Variants in ABI1 observed in about 807,000 individuals in gnomAD.
The protein encoded by ABI1 is abl interactor 1.
A neutral mutation model predicts 54.6 loss-of-function variants in ABI1; 14 were observed. The observed-to-expected ratio is 0.26, with a 90% CI of 0.17 to 0.40. The LOEUF is 0.40. Ranked by LOEUF, ABI1 falls within the 10% of genes least tolerant of loss-of-function variation. The pLI is 1.00. For synonymous variants in ABI1, 194 were observed against 209.3 expected, an observed-to-expected ratio of 0.93 and a Z score of 0.63; for missense variants, 443 against 598.3, an observed-to-expected ratio of 0.74 and a Z score of 2.71.
At chr10:26,814,435 A>T (rs1564532209) in intron 2 of ABI1, among the ~76,000 whole-genome samples, 1 of 152,200 alleles carries the variant, frequency 6.6e-6, no homozygotes, top group Non-Finnish European at 1.5e-5. Context: ...GCCAATGGAA[A>T]AAAGAAATCA....
At chr10:26,798,953 G>A (rs531963782) in intron 2 of ABI1, among the ~76,000 whole-genome samples, 5 of 151,128 alleles carry the variant, frequency 3.3e-5, no homozygotes, top group Admixed American at 6.6e-5. Context: ...ACAAATCTCC[G>A]AAGGAAGTTA....
At chr10:26,808,028 G>C (rs2046984868) in intron 2 of ABI1, among the ~76,000 whole-genome samples, 1 of 152,178 alleles carries the variant, frequency 6.6e-6, no homozygotes. Context: ...GGAGGCAGAG[G>C]TTGCAGTGAG....
chr10:26,787,576 G>C (rs532732306), intron 2 of ABI1, among the ~76,000 whole-genome samples: 2 of 151,598 alleles, frequency 1.3e-5, no homozygotes, highest in African/African-American at 2.4e-5. Flanking sequence ...ATATGGCAGG[G>C]TGAGCAAAAA....
At chr10:26,815,244 T>C (rs773870627) in intron 2 of ABI1, among the ~76,000 whole-genome samples, 1 of 152,140 alleles carries the variant, frequency 6.6e-6, no homozygotes, top group Non-Finnish European at 1.5e-5. Flanking sequence ...GCCAATTAGA[T>C]TTCAGCTGCA....
intron 1 of ABI1, among the ~76,000 whole-genome samples, chr10:26,849,539 A>G (rs910905483): frequency 4.6e-5 from 7 of 152,236 alleles, no homozygotes; most frequent in Admixed American, 2.0e-4. Context: ...GAATAAGCCA[A>G]TTGTTCATGG....
intron 2 of ABI1, among the ~76,000 whole-genome samples, chr10:26,821,088 C>G (rs1196123978): frequency 6.7e-6 from 1 of 150,286 alleles, no homozygotes; most frequent in East Asian, 2.0e-4. Context: ...ACTAAAAATA[C>G]AAAAAAGTTC....
chr10:26,767,810 G>A (rs1045619445), intron 6 of ABI1, among the ~76,000 whole-genome samples: 8 of 152,132 alleles, frequency 5.3e-5, no homozygotes, highest in African/African-American at 1.7e-4. Flanking sequence ...ACTTTGGGAG[G>A]CCGAGGTGGG....
chr10:26,850,437 A>G (rs2050292321), intron 1 of ABI1, among the ~76,000 whole-genome samples: 1 of 152,178 alleles, frequency 6.6e-6, no homozygotes, highest in South Asian at 2.1e-4. Context: ...AGGCAGGCAG[A>G]TCACGAGGTC....
chr10:26,841,110 T>C (rs1009156606), intron 1 of ABI1, among the ~76,000 whole-genome samples: 2 of 152,224 alleles, frequency 1.3e-5, no homozygotes, highest in Non-Finnish European at 2.9e-5. Context: ...TGAGTAATTG[T>C]GTCAGACCAT....
chr10:26,786,249 T>G (rs986065863), intron 2 of ABI1, among the ~76,000 whole-genome samples: 4 of 151,690 alleles, frequency 2.6e-5, no homozygotes, highest in Non-Finnish European at 5.9e-5. Flanking sequence ...GGTCTTGCTC[T>G]GTCGCCTAGG....
intron 2 of ABI1, among the ~76,000 whole-genome samples, chr10:26,800,466 T>C (rs1001436348): frequency 1.3e-5 from 2 of 152,046 alleles, no homozygotes; most frequent in African/African-American, 4.8e-5. Flanking sequence ...ACAAAACAAC[T>C]GGCTATAAAT....
chr10:26,821,565 A>G (rs907314054), intron 2 of ABI1, among the ~76,000 whole-genome samples: 2 of 152,168 alleles, frequency 1.3e-5, no homozygotes, highest in African/African-American at 4.8e-5. Flanking sequence ...TGGGAGGCCA[A>G]GGTGGGTGGA....
intron 2 of ABI1, among the ~76,000 whole-genome samples, chr10:26,801,505 C>T (rs1387878637): frequency 2.0e-5 from 3 of 151,904 alleles, no homozygotes; most frequent in Non-Finnish European, 2.9e-5. Flanking sequence ...CAAGATCACG[C>T]CACTGCAGTC....
At chr10:26,834,694 C>T (rs1052478963) in intron 1 of ABI1, among the ~76,000 whole-genome samples, 3 of 151,972 alleles carry the variant, frequency 2.0e-5, no homozygotes, top group African/African-American at 7.3e-5. Flanking sequence ...AGACCAGGCA[C>T]GGTGGCTCAC....
chr10:26,784,283 G>A (rs1318866133), intron 2 of ABI1, among the ~76,000 whole-genome samples: 2 of 152,166 alleles, frequency 1.3e-5, no homozygotes, highest in African/African-American at 2.4e-5. Flanking sequence ...TCTCCCACGT[G>A]AAACACCTGT....
intron 2 of ABI1, among the ~76,000 whole-genome samples, chr10:26,801,958 T>G (rs577722233): frequency 6.6e-6 from 1 of 152,208 alleles, no homozygotes; most frequent in Non-Finnish European, 1.5e-5. Flanking sequence ...AAGTATAGGA[T>G]GCCACAAAAA....
intron 2 of ABI1, among the ~76,000 whole-genome samples, chr10:26,821,755 C>T (rs547104392): frequency 4.0e-5 from 6 of 150,018 alleles, no homozygotes; most frequent in Non-Finnish European, 5.9e-5. Flanking sequence ...GCCAAGATCA[C>T]GCCATTGCAC....
chr10:26,858,537 G>GAA (rs60132421), intron 1 of ABI1, among the ~76,000 whole-genome samples: 11 of 94,270 alleles, frequency 1.2e-4, no homozygotes, highest in Admixed American at 2.9e-4. Context: ...CACAAAAAAA[G>GAA]AAAAAAAAAA....
chr10:26,851,348 ATTTTTTT>A (rs397724445), intron 1 of ABI1, among the ~76,000 whole-genome samples: 2 of 67,816 alleles, frequency 2.9e-5, no homozygotes, highest in African/African-American at 6.4e-5. Context: ...GACTAAGCTA[ATTTTTTT>A]TTTTTTTTTT....
Sources: allele counts gnomAD v4.1 joint callset (sites outside exome capture counted in the v4.1 genomes callset), GRCh38; gene constraint gnomAD v4.1.1; transcripts MANE v1.5; gene names NCBI Gene and HGNC (gene_info 2026-07-23, HGNC 2026-07-21).